ADAMTSL2: variants seen among roughly 807,000 people sequenced by gnomAD.
ADAMTSL2 encodes ADAMTS-like protein 2.
Under a neutral mutation model 117.0 loss-of-function variants are expected in ADAMTSL2, and 55 were observed. That is an observed-to-expected ratio of 0.47 (90% CI 0.38 to 0.59). The LOEUF (loss-of-function observed/expected upper bound fraction) is 0.59, where lower values mean the gene tolerates loss of function less well. ADAMTSL2 is among the 20% of genes least tolerant of loss of function. The pLI is 0.00. For missense variants in ADAMTSL2, 1,182 were observed against 1,354.5 expected (o/e 0.87, Z 2.00); for synonymous variants, 572 against 566.4 (o/e 1.01, Z -0.14).
intron 7 of ADAMTSL2, among the ~76,000 whole-genome samples, chr9:133,541,535 C>T (rs939222056): frequency 7.9e-5 from 12 of 152,174 alleles, no homozygotes; most frequent in African/African-American, 2.9e-4. Context: ...GCGATCCACC[C>T]GCCTCCGTCT....
At chr9:133,563,394 T>C (rs1420707112) in intron 12 of ADAMTSL2, among the ~76,000 whole-genome samples, 3 of 152,192 alleles carry the variant, frequency 2.0e-5, no homozygotes, top group Non-Finnish European at 4.4e-5. Context: ...GTTCCTCCAC[T>C]CTTCCTGGCC....
At chr9:133,537,345 G>A in intron 2 of ADAMTSL2, 60 bp from the exon 3 acceptor site, 1 of 1,327,384 alleles carries the variant, frequency 7.5e-7, no homozygotes, top group Non-Finnish European at 9.7e-7. Context: ...ATGGGGTGGG[G>A]GCAGGCTGGT....
intron 5 of ADAMTSL2, 57 bp downstream of exon 5, chr9:133,539,930 C>A (rs1346480489): frequency 1.3e-6 from 2 of 1,501,520 alleles, no homozygotes; most frequent in Non-Finnish European, 1.8e-6. Flanking sequence ...TTGGGGGTAG[C>A]CCTTCCGGCA....
In ADAMTSL2 at chr9:133,537,546, A is replaced by G; in HGVS notation, c.232A>G (p.Arg78Gly). The G allele has an allele frequency of 7.4e-7, 1 of 1,345,754 alleles. No homozygotes were observed. Among genetic ancestry groups the G allele is most frequent in the Non-Finnish European group, 9.6e-7 (1 of 1,039,496 alleles). The allele number at this position is 1,345,754 out of a possible 1,614,324, so 83.4% of individuals were successfully genotyped here. ...CCAGGAGCGGCACTGCCTGCAGCAG[A>G]GGTGCGAGGTTGGGCACGTGGCCCT... ...TSQERHCLQQ[R>G]RKSVPGPGNR... Residue 78 changes from arginine to glycine, a missense_variant and splice_region_variant, in exon 3 of 19, where the codon AGG (arginine) becomes GGG (glycine). Around this residue, in one of 3 missense-constraint regions of ADAMTSL2, gnomAD observed 372 missense variants for 463.4 expected, o/e 0.80. Transcript: ENST00000651351.
At position 133,575,151 on chromosome 9, in the gene ADAMTSL2, C is replaced by A. The variant is rs868340954; in HGVS notation, c.*287C>A. 905 of 394,708 alleles carry A rather than the reference C, an allele frequency of 2.3e-3. 7 individuals carry two copies. Among genetic ancestry groups the A allele is most frequent in the African/African-American group, 0.02 (845 of 41,314 alleles). The allele number at this position is 394,708 out of a possible 1,614,324, so 24.5% of individuals were successfully genotyped here. A position where few individuals can be genotyped will look rare whatever the true frequency, so the allele number is the denominator to read the frequency against. On this transcript the variant is annotated 3_prime_UTR_variant, in exon 19 of 19. Coordinates refer to ENST00000651351, the MANE Select transcript of ADAMTSL2 (RefSeq NM_014694.4). Reference sequence around the variant, plus strand: ...GTGTTTGTGGCTCCCACTCCCCAGCCCCCCAGCAGCCCCCAGCCGAGGGGC... The same window carrying A: ...GTGTTTGTGGCTCCCACTCCCCAGCACCCCAGCAGCCCCCAGCCGAGGGGC...
intron 15 of ADAMTSL2, among the ~76,000 whole-genome samples, 160 bp downstream of exon 15, chr9:133,568,918 T>G (rs1444402756): frequency 4.6e-5 from 7 of 152,158 alleles, no homozygotes; most frequent in African/African-American, 1.7e-4. Flanking sequence ...TCAAAACTTC[T>G]CTCCAAACAC....
rs1830111714 is a variant in ADAMTSL2 at position 133,538,570 on chromosome 9, A to C, written c.309+146A>C. ...GGAGAGCCCAGGAGCAGGGTTGAGA[A>C]GGCTGCGGGGGGCCCTGGGCTAGTA... On this transcript the variant is annotated intron_variant, in intron 4 of 18. Transcript: ENST00000651351. 10 of 912,426 alleles carry C rather than the reference A, an allele frequency of 1.1e-5. 2 individuals are homozygous for C. In the South Asian group the frequency reaches 1.5e-4, roughly 14 times the overall value. 56.5% of individuals were successfully genotyped at this position (912,426 alleles called of 1,614,324 possible). A position where few individuals can be genotyped will look rare whatever the true frequency, so the allele number is the denominator to read the frequency against.
chr9:133,547,481 A>G (rs1388510063), intron 9 of ADAMTSL2, among the ~76,000 whole-genome samples: 1 of 152,182 alleles, frequency 6.6e-6, no homozygotes, highest in East Asian at 1.9e-4. Flanking sequence ...CAGTTCATTA[A>G]TTCATTTACC....
chr9:133,540,441 T>C (rs1223686143), intron 5 of ADAMTSL2, among the ~76,000 whole-genome samples, 157 bp from the exon 6 acceptor site: 3 of 152,212 alleles, frequency 2.0e-5, no homozygotes, highest in Admixed American at 6.5e-5. Flanking sequence ...CCCATCAGTT[T>C]CTGCCACTGA....
chr9:133,533,300 G>T (rs1404136311), upstream of ADAMTSL2, among the ~76,000 whole-genome samples: 1 of 152,154 alleles, frequency 6.6e-6, no homozygotes, highest in Non-Finnish European at 1.5e-5. Flanking sequence ...CACACCGCAG[G>T]TGGCCCTGTG....
intron 4 of ADAMTSL2, among the ~76,000 whole-genome samples, chr9:133,539,020 G>C (rs1015651271): frequency 6.6e-6 from 1 of 152,194 alleles, no homozygotes; most frequent in Non-Finnish European, 1.5e-5. Context: ...GGCCTCCCAG[G>C]CTGGCTCGTG....
At position 133,564,174 on chromosome 9, in the gene ADAMTSL2, G is replaced by GAA. The variant is rs773095744; in HGVS notation, c.1748-2761_1748-2760insAA. On this transcript the variant is annotated intron_variant, in intron 12 of 18. Transcript: ENST00000651351. ...AGAGAGACAGAGAGAAAGGGAGAGA[G>GAA]AGAGAGAGGGAGAGAGAGAGAGAGG... 4.6e-3 allele frequency among the ~76,000 whole-genome samples: 222 copies of GAA among 48,738 alleles called. 47 individuals carry two copies. The highest frequency in any genetic ancestry group is 5.7e-3 in the Non-Finnish European group (127 of 22,398). The allele number at this position is 48,738 out of a possible 152,430, so 32.0% of individuals were successfully genotyped here.
At position 133,558,843 on chromosome 9, in the gene ADAMTSL2, C is replaced by T. The variant is rs1473893957; in HGVS notation, c.1650-2355C>T. Among the ~76,000 whole-genome samples the T allele has an allele frequency of 5.3e-5, 8 of 152,238 alleles. No individual in the cohort carries two copies. Among genetic ancestry groups the T allele is most frequent in the African/African-American group, 9.6e-5 (4 of 41,454 alleles). The stretch of plus-strand genomic sequence containing the variant: ...ACTTCCAAGAACGGAACCTGCTAGG[C>T]GTTGCATTGTTGTGCAAATATATGC... On this transcript the variant is annotated intron_variant, in intron 11 of 18. Coordinates refer to ENST00000651351, the MANE Select transcript of ADAMTSL2 (RefSeq NM_014694.4). The surrounding 1 kb of genome is among the most constrained non-coding windows in gnomAD (Gnocchi z 4.3).
chr9:133,560,236 C>T (rs1207611527), intron 11 of ADAMTSL2, among the ~76,000 whole-genome samples: 1 of 152,236 alleles, frequency 6.6e-6, no homozygotes, highest in Admixed American at 6.5e-5. Flanking sequence ...GCCAGCCCCT[C>T]TGGGCCCAGA....
At chr9:133,544,433 A>G in intron 7 of ADAMTSL2, 37 bp from the exon 8 acceptor site, 1 of 1,568,318 alleles carries the variant, frequency 6.4e-7, no homozygotes, top group Non-Finnish European at 8.8e-7. Flanking sequence ...CTGCCTTTCC[A>G]ATCAAGAGGG....
chr9:133,550,414 G>C (rs937215794), intron 9 of ADAMTSL2, among the ~76,000 whole-genome samples: 1 of 152,160 alleles, frequency 6.6e-6, no homozygotes, highest in African/African-American at 2.4e-5. Flanking sequence ...ACAGTCATGC[G>C]CCCATTGTGG....
intron 12 of ADAMTSL2, among the ~76,000 whole-genome samples, chr9:133,562,330 G>T (rs1830746755): frequency 1.3e-5 from 2 of 152,374 alleles, no homozygotes; most frequent in South Asian, 4.1e-4. Context: ...TCTGCCTCCT[G>T]TTACAAGAGC....
intron 8 of ADAMTSL2, among the ~76,000 whole-genome samples, chr9:133,546,030 ACTC>A (rs1449200274): frequency 2.6e-5 from 4 of 151,966 alleles, no homozygotes; most frequent in Admixed American, 2.0e-4. Flanking sequence ...TGGAAGCCGA[ACTC>A]CTCTTCTCCC....
intron 17 of ADAMTSL2, among the ~76,000 whole-genome samples, chr9:133,572,168 CCCCGCCACCCCCCA>C: frequency 8.4e-6 from 1 of 119,472 alleles, no homozygotes; most frequent in African/African-American, 3.0e-5. Context: ...CTCCACCCTG[CCCCGCCACCCCCCA>C]CCCCCCACCC....
Sources: gnomAD v4.1 joint callset for allele counts (sites outside exome capture counted in the v4.1 genomes callset) on GRCh38, gnomAD v4.1.1 for gene constraint, gnomAD v4.1.1 regional missense constraint, Gnocchi (gnomAD v3.1) non-coding constraint, MANE v1.5 for transcripts, NCBI Gene and HGNC (gene_info 2026-07-23, HGNC 2026-07-21) for gene names.